The following CTPS2 variants were observed in gnomAD, a reference collection of about 807,000 sequenced individuals.
The protein encoded by CTPS2 is CTP synthase II.
A neutral mutation model predicts 46.8 loss-of-function variants in CTPS2; 19 were observed. The observed-to-expected ratio is 0.41, with a 90% CI of 0.28 to 0.60. The LOEUF is 0.60. Among genes scored for constraint, CTPS2 ranks in the 20% least tolerant of loss-of-function variants. The pLI is 0.35. For synonymous variants in CTPS2, 151 were observed against 165.2 expected, an observed-to-expected ratio of 0.91 and a Z score of 0.66; for missense variants, 286 against 447.6, an observed-to-expected ratio of 0.64 and a Z score of 3.26.
intron 9 of CTPS2, among the ~76,000 whole-genome samples, chrX:16,678,813 T>C (rs1311365868): frequency 3.7e-5 from 4 of 108,931 alleles, no homozygotes; most frequent in Non-Finnish European, 5.7e-5. Context: ...GCTGCAATGA[T>C]CCCTGATTGT....
At chrX:16,710,852 C>T (rs923661896) in intron 1 of CTPS2, among the ~76,000 whole-genome samples, 10 of 112,091 alleles carry the variant, frequency 8.9e-5, no homozygotes, top group African/African-American at 3.2e-4. Context: ...CTCTTGACCT[C>T]GTGATCCGCC....
chrX:16,634,253 A>G (rs181876909), intron 14 of CTPS2, among the ~76,000 whole-genome samples: 10 of 112,132 alleles, frequency 8.9e-5, no homozygotes, highest in Admixed American at 8.5e-4. Context: ...AATTGACAAT[A>G]ATTATACATA....
intron 10 of CTPS2, among the ~76,000 whole-genome samples, chrX:16,676,823 A>T (rs1351837856): frequency 9.0e-6 from 1 of 111,357 alleles, no homozygotes; most frequent in Non-Finnish European, 1.9e-5. Flanking sequence ...GCACTTTGGG[A>T]GGCCAAGGCG....
At chrX:16,671,142 C>A (rs1048526573) in intron 10 of CTPS2, among the ~76,000 whole-genome samples, 3 of 111,809 alleles carry the variant, frequency 2.7e-5, no homozygotes, top group African/African-American at 9.7e-5. Flanking sequence ...CAGACCTAGG[C>A]AAACACAACA....
intron 13 of CTPS2, among the ~76,000 whole-genome samples, chrX:16,643,755 A>T (rs113105808): frequency 0.013 from 1,427 of 111,029 alleles, 19 homozygotes; most frequent in African/African-American, 0.044. Context: ...AGGAGCCCAG[A>T]CTAGCCATGC....
At chrX:16,632,485 G>A (rs1931529605) in intron 14 of CTPS2, among the ~76,000 whole-genome samples, 1 of 107,501 alleles carries the variant, frequency 9.3e-6, no homozygotes, top group Non-Finnish European at 1.9e-5. Context: ...GCAGTGGCAT[G>A]ATCTCGGCTC....
chrX:16,663,976 C>G (rs907216596), intron 13 of CTPS2, among the ~76,000 whole-genome samples: 53 of 110,818 alleles, frequency 4.8e-4, no homozygotes, highest in Non-Finnish European at 8.5e-4. Context: ...GCTGGGACTA[C>G]AGGCGCGTGC....
At chrX:16,658,582 A>G (rs1189995037) in intron 13 of CTPS2, among the ~76,000 whole-genome samples, 2 of 112,150 alleles carry the variant, frequency 1.8e-5, no homozygotes, top group Admixed American at 9.5e-5. Flanking sequence ...GTCAGAGGGT[A>G]TGGATATTTG....
At chrX:16,681,338 A>G (rs1922727204) in intron 9 of CTPS2, among the ~76,000 whole-genome samples, 1 of 111,998 alleles carries the variant, frequency 8.9e-6, no homozygotes, top group Non-Finnish European at 1.9e-5. Flanking sequence ...TTTCTTTAAC[A>G]TATAAATGGA....
At chrX:16,692,816 G>A (rs1923805995) in intron 6 of CTPS2, among the ~76,000 whole-genome samples, 1 of 110,822 alleles carries the variant, frequency 9.0e-6, no homozygotes, top group Non-Finnish European at 1.9e-5. Context: ...CAAGCACTTT[G>A]GGAGGCTGAG....
chrX:16,694,022 G>A (rs1430177911), intron 4 of CTPS2, among the ~76,000 whole-genome samples: 1 of 109,926 alleles, frequency 9.1e-6, no homozygotes. Context: ...AAATTAGCTG[G>A]ACGTGGTGGG....
intron 13 of CTPS2, among the ~76,000 whole-genome samples, chrX:16,660,646 T>G (rs910890775): frequency 1.8e-5 from 2 of 110,932 alleles, no homozygotes; most frequent in Admixed American, 1.9e-4. Flanking sequence ...GTGATCCACC[T>G]GCCTCAGCCT....
chrX:16,610,423 A>G (rs1930203666), intron 16 of CTPS2, among the ~76,000 whole-genome samples: 1 of 111,624 alleles, frequency 9.0e-6, no homozygotes, highest in Non-Finnish European at 1.9e-5. Flanking sequence ...ATCACTTACC[A>G]GCAAAGATCC....
intron 9 of CTPS2, among the ~76,000 whole-genome samples, chrX:16,681,722 T>C (rs2147333779): frequency 9.1e-6 from 1 of 110,337 alleles, no homozygotes; most frequent in African/African-American, 3.3e-5. Context: ...ACTTTTTAAG[T>C]TTTTTTTATA....
At chrX:16,617,879 T>C (rs998794276) in intron 15 of CTPS2, among the ~76,000 whole-genome samples, 4 of 112,171 alleles carry the variant, frequency 3.6e-5, no homozygotes, top group African/African-American at 1.3e-4. Context: ...CTTTGCAATC[T>C]TAACCTCAGA....
intron 10 of CTPS2, among the ~76,000 whole-genome samples, chrX:16,671,634 C>T (rs1462635031): frequency 9.4e-6 from 1 of 106,881 alleles, no homozygotes; most frequent in Non-Finnish European, 1.9e-5. Flanking sequence ...CCTGCCTCAG[C>T]CTCCCGAGTA....
chrX:16,601,578 G>T (rs968006682), intron 17 of CTPS2, among the ~76,000 whole-genome samples: 209 of 103,332 alleles, frequency 2.0e-3, no homozygotes, highest in Middle Eastern at 4.8e-3. Flanking sequence ...CCATCGGGGG[G>T]GGGGGGGTTT....
chrX:16,624,078 A>T (rs1425801963), intron 14 of CTPS2, among the ~76,000 whole-genome samples: 1 of 109,820 alleles, frequency 9.1e-6, no homozygotes, highest in African/African-American at 3.3e-5. Context: ...GGCGTGAGCC[A>T]CCGCGCCTGG....
chrX:16,672,986 A>T (rs1322857257), intron 10 of CTPS2, among the ~76,000 whole-genome samples: 2 of 94,435 alleles, frequency 2.1e-5, no homozygotes, highest in African/African-American at 4.2e-5. Flanking sequence ...TCCCGGGTTC[A>T]TGCCATTCTC....
Sources: allele counts gnomAD v4.1 joint callset (sites outside exome capture counted in the v4.1 genomes callset), GRCh38; gene constraint gnomAD v4.1.1; transcripts MANE v1.5; gene names NCBI Gene and HGNC (gene_info 2026-07-23, HGNC 2026-07-21).